RIMS2: variants seen among roughly 807,000 people sequenced by gnomAD.
RIMS2 encodes the protein regulating synaptic membrane exocytosis protein 2.
RIMS2 carries 59 observed loss-of-function variants against 174.4 expected under a neutral mutation model. That is an observed-to-expected ratio of 0.34 (90% CI 0.27 to 0.42). RIMS2 has a LOEUF of 0.42. Among genes scored for constraint, RIMS2 ranks in the 10% least tolerant of loss-of-function variants. The pLI is 1.00. For synonymous variants in RIMS2, 606 were observed against 572.5 expected (o/e 1.06, Z -0.84); for missense variants, 1,620 against 1,666.3 (o/e 0.97, Z 0.48).
chr8:103,739,705 A>C (rs1302803788), intron 2 of RIMS2, among the ~76,000 whole-genome samples: 11 of 152,224 alleles, frequency 7.2e-5, no homozygotes, highest in Non-Finnish European at 1.5e-4. Flanking sequence ...CATAGAAAAT[A>C]GAAATGAGTA....
At chr8:104,237,354 T>C (rs909500325) in intron 19 of RIMS2, among the ~76,000 whole-genome samples, 1 of 152,176 alleles carries the variant, frequency 6.6e-6, no homozygotes, top group Admixed American at 6.6e-5. Flanking sequence ...AAAATTTATG[T>C]CTCACTCCCA....
intron 1 of RIMS2, among the ~76,000 whole-genome samples, chr8:103,514,915 C>A (rs6996263): frequency 6.7e-5 from 10 of 149,176 alleles, no homozygotes; most frequent in South Asian, 2.1e-4. Context: ...ACAACAACAA[C>A]AACAAAAAAA....
At chr8:104,217,215 T>A (rs892831856) in intron 19 of RIMS2, among the ~76,000 whole-genome samples, 2 of 152,144 alleles carry the variant, frequency 1.3e-5, no homozygotes, top group African/African-American at 4.8e-5. Context: ...GCAGAGATAA[T>A]GAAAATACTA....
At chr8:104,193,453 G>A (rs4518633) in intron 19 of RIMS2, among the ~76,000 whole-genome samples, 20,747 of 152,034 alleles carry the variant, frequency 0.14, 2,079 homozygotes, top group East Asian at 0.53. Flanking sequence ...ATGAGCCTGG[G>A]TGAGAATGTC....
intron 1 of RIMS2, among the ~76,000 whole-genome samples, chr8:103,574,810 C>T (rs987245904): frequency 1.3e-5 from 2 of 152,146 alleles, no homozygotes; most frequent in Admixed American, 1.3e-4. Context: ...GTTTACTTAG[C>T]GTACACCAAA....
At chr8:103,746,574 A>C (rs959775348) in intron 2 of RIMS2, among the ~76,000 whole-genome samples, 2 of 152,076 alleles carry the variant, frequency 1.3e-5, no homozygotes, top group Non-Finnish European at 2.9e-5. Context: ...AGTATCCATT[A>C]GTTGTTTTCC....
In RIMS2 at chr8:103,531,009, A is replaced by G. The variant is rs10102705; in HGVS notation, c.176+29947A>G. ...TATTTTAAAAATGGGCAGAATTTAA[A>G]GGTAAATACGAATTATAATGAGAAA... On this transcript the variant is annotated intron_variant, in intron 1 of 23. Transcript: ENST00000504942. Among the ~76,000 whole-genome samples the G allele has an allele frequency of 7.3e-3, 1,103 of 150,830 alleles. 11 individuals are homozygous for G. Among genetic ancestry groups the G allele is most frequent in the African/African-American group, 0.024 (1,001 of 41,204 alleles).
At chr8:103,619,244 G>T (rs13274173) in intron 1 of RIMS2, among the ~76,000 whole-genome samples, 27,609 of 151,718 alleles carry the variant, frequency 0.18, 2,732 homozygotes, top group African/African-American at 0.26. Context: ...AAATTTATTA[G>T]TGTCTGTTCT....
intron 19 of RIMS2, among the ~76,000 whole-genome samples, chr8:104,186,224 G>A (rs775883532): frequency 5.9e-4 from 90 of 151,718 alleles, no homozygotes; most frequent in Admixed American, 1.6e-3. Context: ...TACAGATAAT[G>A]GAGATTCGGA....
intron 1 of RIMS2, among the ~76,000 whole-genome samples, chr8:103,539,397 CT>C (rs1231137823): frequency 6.6e-6 from 1 of 152,080 alleles, no homozygotes; most frequent in African/African-American, 2.4e-5. Context: ...TATCCATAAA[CT>C]GAAATAGGCC....
chr8:104,093,984 A>G (rs1425759461), intron 19 of RIMS2, among the ~76,000 whole-genome samples: 2 of 152,006 alleles, frequency 1.3e-5, no homozygotes, highest in Non-Finnish European at 2.9e-5. Flanking sequence ...AGGAATATGA[A>G]AAATAATATA....
chr8:104,243,837 G>A (rs916665448), intron 19 of RIMS2, among the ~76,000 whole-genome samples: 2 of 152,250 alleles, frequency 1.3e-5, no homozygotes, highest in Middle Eastern at 3.4e-3. Context: ...CCTCTTGCTC[G>A]AGCTTTGGTA....
chr8:104,051,437 T>C (rs2096784182), intron 19 of RIMS2, among the ~76,000 whole-genome samples: 1 of 151,838 alleles, frequency 6.6e-6, no homozygotes. Context: ...ATGAAGGAGG[T>C]TGATAGGCTT....
exon 24 of RIMS2, chr8:104,251,616 A>G: frequency 6.3e-7 from 1 of 1,596,240 alleles, no homozygotes; most frequent in South Asian, 1.1e-5. Flanking sequence ...TCGTCTGGGG[A>G]GATTATGGCC....
chr8:103,790,390 CATA>C (rs2098485654), intron 3 of RIMS2, among the ~76,000 whole-genome samples: 1 of 152,128 alleles, frequency 6.6e-6, no homozygotes, highest in Non-Finnish European at 1.5e-5. Flanking sequence ...TTTCAGTTAG[CATA>C]ATGTTTTCAA....
At chr8:103,919,176 A>T (rs977242417) in intron 9 of RIMS2, among the ~76,000 whole-genome samples, 1 of 152,184 alleles carries the variant, frequency 6.6e-6, no homozygotes, top group African/African-American at 2.4e-5. Flanking sequence ...AAAGGATTGC[A>T]GTTTGAAATA....
At chr8:103,513,912 G>T (rs1398552479) in intron 1 of RIMS2, among the ~76,000 whole-genome samples, 1 of 152,070 alleles carries the variant, frequency 6.6e-6, no homozygotes, top group Non-Finnish European at 1.5e-5. Flanking sequence ...TTTGAATTTT[G>T]ATTTAAAACA....
At chr8:103,894,366 A>G (rs1280937038) in intron 4 of RIMS2, among the ~76,000 whole-genome samples, 1 of 151,624 alleles carries the variant, frequency 6.6e-6, no homozygotes, top group East Asian at 1.9e-4. Flanking sequence ...CAATGTGAAT[A>G]CAAAGAAACC....
At chr8:104,038,409 T>G (rs1276726893) in intron 19 of RIMS2, among the ~76,000 whole-genome samples, 1 of 151,962 alleles carries the variant, frequency 6.6e-6, no homozygotes, top group African/African-American at 2.4e-5. Context: ...ACTTTTACTA[T>G]CCTTAATCAG....
Sources: gnomAD v4.1 joint callset for allele counts (sites outside exome capture counted in the v4.1 genomes callset) on GRCh38, gnomAD v4.1.1 for gene constraint, MANE v1.5 for transcripts, NCBI Gene and HGNC (gene_info 2026-07-23, HGNC 2026-07-21) for gene names.